SMAD3: variants seen among roughly 807,000 people sequenced by gnomAD.
SMAD3 encodes the protein SMAD family member 3.
Under a neutral mutation model 51.8 loss-of-function variants are expected in SMAD3, and 12 were observed. That is an observed-to-expected ratio of 0.23 (90% CI 0.15 to 0.38). The LOEUF is 0.38. SMAD3 is among the 10% of genes least tolerant of loss of function. The pLI is 1.00. For synonymous variants in SMAD3, 238 were observed against 227.7 expected (o/e 1.05, Z -0.41); for missense variants, 294 against 565.6 (o/e 0.52, Z 4.87).
At chr15:67,186,486 T>G (rs1056455100) in intron 7 of SMAD3, among the ~76,000 whole-genome samples, 1 of 152,184 alleles carries the variant, frequency 6.6e-6, no homozygotes, top group African/African-American at 2.4e-5. Context: ...AGCGACCAGC[T>G]CAGAGTCACA....
At chr15:67,155,271 C>A (rs748504702) in intron 1 of SMAD3, among the ~76,000 whole-genome samples, 2 of 152,180 alleles carry the variant, frequency 1.3e-5, no homozygotes, top group Non-Finnish European at 2.9e-5. Context: ...GCTCATAACT[C>A]CCTGAAGAAC....
chr15:67,132,385 C>T (rs1006448172), intron 1 of SMAD3, among the ~76,000 whole-genome samples: 3 of 152,166 alleles, frequency 2.0e-5, no homozygotes, highest in Non-Finnish European at 2.9e-5. Context: ...ATCTCCACCC[C>T]GGGAATCTAT....
chr15:67,091,062 T>C (rs947723717), intron 1 of SMAD3, among the ~76,000 whole-genome samples: 1 of 152,236 alleles, frequency 6.6e-6, no homozygotes, highest in Non-Finnish European at 1.5e-5. Flanking sequence ...CTGTTTCTTT[T>C]GATTTTAATT....
intron 1 of SMAD3, among the ~76,000 whole-genome samples, chr15:67,133,091 G>A (rs1423915161): frequency 1.3e-5 from 2 of 151,976 alleles, no homozygotes; most frequent in African/African-American, 2.4e-5. Flanking sequence ...CCTGTATTAC[G>A]CCCAGGGCAG....
At chr15:67,184,675 C>T (rs561993185) in intron 6 of SMAD3, 52 bp from the exon 7 acceptor site, 1 of 1,610,814 alleles carries the variant, frequency 6.2e-7, no homozygotes, top group East Asian at 2.2e-5. Flanking sequence ...GGCCCCAGGG[C>T]CATTGTGTGT....
chr15:67,079,171 T>C (rs1021335372), intron 1 of SMAD3, among the ~76,000 whole-genome samples: 13 of 151,034 alleles, frequency 8.6e-5, no homozygotes, highest in African/African-American at 2.7e-4. Flanking sequence ...AAAGACGGGG[T>C]TTTTCTATGT....
At chr15:67,077,585 G>A (rs985917820) in intron 1 of SMAD3, among the ~76,000 whole-genome samples, 2 of 152,190 alleles carry the variant, frequency 1.3e-5, no homozygotes, top group Non-Finnish European at 2.9e-5. Flanking sequence ...AGTTATGGTG[G>A]GCCTGTGGAA....
chr15:67,096,972 T>A (rs1171753046), intron 1 of SMAD3, among the ~76,000 whole-genome samples: 1 of 152,178 alleles, frequency 6.6e-6, no homozygotes, highest in African/African-American at 2.4e-5. Context: ...TCCTGAGCAT[T>A]TACTTTTGTG....
chr15:67,170,688 G>A (rs2140301345), intron 5 of SMAD3, 84 bp downstream of exon 5: 1 of 1,217,042 alleles, frequency 8.2e-7, no homozygotes, highest in Non-Finnish European at 1.2e-6. Flanking sequence ...GGGCCCTGAA[G>A]GTAAGGCTCT....
intron 1 of SMAD3, among the ~76,000 whole-genome samples, chr15:67,152,660 G>C (rs1370949215): frequency 6.6e-6 from 1 of 152,198 alleles, no homozygotes; most frequent in African/African-American, 2.4e-5. Context: ...ATTTTCAGCA[G>C]AGTGAAATGG....
intron 1 of SMAD3, among the ~76,000 whole-genome samples, chr15:67,073,380 A>C (rs887664461): frequency 6.6e-6 from 1 of 152,248 alleles, no homozygotes; most frequent in Admixed American, 6.5e-5. Context: ...GAAGCCTATT[A>C]ATTAAGAAGT....
intron 8 of SMAD3, 35 bp from the exon 9 acceptor site, chr15:67,190,378 G>C (rs763330093): frequency 1.9e-6 from 3 of 1,607,426 alleles, no homozygotes; most frequent in Admixed American, 3.3e-5. Context: ...GATTTTTTAA[G>C]TCCCCCACCC....
intron 1 of SMAD3, among the ~76,000 whole-genome samples, chr15:67,163,433 C>T (rs1020755771): frequency 6.6e-6 from 1 of 152,140 alleles, no homozygotes; most frequent in African/African-American, 2.4e-5. Flanking sequence ...ACCTCCTCAC[C>T]TGTCTAATAC....
intron 1 of SMAD3, among the ~76,000 whole-genome samples, chr15:67,101,509 AT>A (rs1412870780): frequency 6.6e-6 from 1 of 152,156 alleles, no homozygotes; most frequent in Non-Finnish European, 1.5e-5. Context: ...GAGCTCTTGT[AT>A]CCTGTCCTGG....
intron 1 of SMAD3, among the ~76,000 whole-genome samples, chr15:67,107,929 A>G (rs969757046): frequency 3.3e-5 from 5 of 151,350 alleles, no homozygotes; most frequent in African/African-American, 1.2e-4. Context: ...CCTCCAGGTC[A>G]TCTCCCCGAG....
At chr15:67,098,347 G>GA (rs1555407141) in intron 1 of SMAD3, among the ~76,000 whole-genome samples, 1 of 142,572 alleles carries the variant, frequency 7.0e-6, no homozygotes, top group African/African-American at 2.7e-5. Flanking sequence ...AGGGAGGGAG[G>GA]GAGAGAGCGA....
chr15:67,167,654 A>AT (rs1381028429), intron 4 of SMAD3, among the ~76,000 whole-genome samples: 1 of 152,000 alleles, frequency 6.6e-6, no homozygotes, highest in Non-Finnish European at 1.5e-5. Context: ...ACCACATGTG[A>AT]TGTGTGTGCT....
intron 4 of SMAD3, among the ~76,000 whole-genome samples, chr15:67,168,371 G>A (rs1304927540): frequency 1.3e-5 from 2 of 152,202 alleles, no homozygotes; most frequent in African/African-American, 2.4e-5. Flanking sequence ...CCGGCGGAGT[G>A]ACTAGTAGCG....
rs1959912294 is a variant in SMAD3 at position 67,066,210 on chromosome 15, A to G, written c.56A>G (p.Lys19Arg). 6.2e-7 allele frequency: 1 copy of G among 1,612,856 alleles called. No individual in the cohort carries two copies. The highest frequency in any genetic ancestry group is 8.5e-7 in the Non-Finnish European group (1 of 1,179,546). Residue 19 changes from lysine (K) to arginine (R), a missense_variant, in exon 1 of 9, where the codon AAG becomes AGG. This residue lies in a region of SMAD3 where 147 missense variants were observed against 260.9 expected (regional missense o/e 0.56). Transcript: ENST00000327367. ...PPIVKRLLGWKKGEQNGQEEK... is the reference protein window; with the variant it reads ...PPIVKRLLGWRKGEQNGQEEK... ...ATCGTGAAGCGCCTGCTGGGCTGGA[A>G]GAAGGGCGAGCAGAACGGGCAGGAG... is the stretch of plus-strand genomic sequence containing the variant.
Sources: gnomAD v4.1 joint callset for allele counts (sites outside exome capture counted in the v4.1 genomes callset) on GRCh38, gnomAD v4.1.1 for gene constraint, gnomAD v4.1.1 regional missense constraint, MANE v1.5 for transcripts, NCBI Gene and HGNC (gene_info 2026-07-23, HGNC 2026-07-21) for gene names.